ELL: variants seen among roughly 807,000 people sequenced by gnomAD.
ELL encodes elongation factor for RNA polymerase II.
A neutral mutation model predicts 64.0 loss-of-function variants in ELL; 18 were observed. The observed-to-expected ratio is 0.28, with a 90% CI of 0.19 to 0.42. The LOEUF is 0.42. ELL is among the 10% of genes least tolerant of loss of function. The pLI, the probability that ELL is intolerant of heterozygous loss-of-function variation, is 1.00. For synonymous variants in ELL, 399 were observed against 376.2 expected (o/e 1.06, Z -0.70); for missense variants, 797 against 870.4 (o/e 0.92, Z 1.06).
chr19:18,477,334 G>C lies in ELL; in HGVS notation c.136-4452C>G, dbSNP rs541385333. On this transcript the variant is annotated intron_variant, in intron 1 of 11. Coordinates refer to ENST00000262809, the MANE Select transcript of ELL (RefSeq NM_006532.4). ...CCACAGTAAGAAGCCTACAGGAAAC[G>C]AACACCACCTCGGTGACCTGCGGAC... Among the ~76,000 whole-genome samples the C allele has an allele frequency of 7.4e-4, 112 of 152,252 alleles. 1 individual carries two copies. The South Asian group carries it at 0.022, about 30-fold the overall frequency.
In ELL at chr19:18,450,685, T is replaced by C; in HGVS notation, c.1257A>G (p.Pro419=). Reference sequence around the variant, plus strand: ...GCAGGCCGAGGCGCACAGTGGGGGCTGGGGCAGCCGCCTCTCCGTGCTCAC... The same window carrying C: ...GCAGGCCGAGGCGCACAGTGGGGGCCGGGGCAGCCGCCTCTCCGTGCTCAC... ...RDCEHGEAAA[P]APTVRLGLPL... is the part of the protein sequence containing the mutation. The change falls in exon 8 of 12, where the codon CCA becomes CCG. Residue 419 remains proline (P), a synonymous_variant. Transcript: ENST00000262809. The C allele has an allele frequency of 6.3e-7, 1 of 1,583,390 alleles. No individual in the cohort carries two copies. The highest frequency in any genetic ancestry group is 2.3e-5 in the East Asian group (1 of 43,410).
At chr19:18,485,452 C>T (rs965479322) in intron 1 of ELL, among the ~76,000 whole-genome samples, 24 of 152,182 alleles carry the variant, frequency 1.6e-4, no homozygotes, top group Admixed American at 1.2e-3. Context: ...CCAGTGCACC[C>T]AAGCTTTCCA....
At chr19:18,495,996 C>T (rs780106460) in intron 1 of ELL, among the ~76,000 whole-genome samples, 18 of 152,146 alleles carry the variant, frequency 1.2e-4, no homozygotes, top group Non-Finnish European at 5.9e-5. Context: ...ACACAGTGGG[C>T]GTTTGGAGGT....
chr19:18,471,294 G>T, intron 2 of ELL: 1 of 393,708 alleles, frequency 2.5e-6, no homozygotes. Flanking sequence ...AGGATCCCTT[G>T]AGCCCAAGAG....
chr19:18,508,839 G>C (rs1975939730), intron 1 of ELL, among the ~76,000 whole-genome samples: 1 of 152,226 alleles, frequency 6.6e-6, no homozygotes, highest in African/African-American at 2.4e-5. Context: ...TGGCAGGCCA[G>C]ACCCAGCCCT....
intron 1 of ELL, among the ~76,000 whole-genome samples, chr19:18,518,520 C>T (rs1298876579): frequency 2.1e-5 from 3 of 140,024 alleles, no homozygotes; most frequent in African/African-American, 8.1e-5. Context: ...CCCAGCGTGG[C>T]GACTCAAGCT....
chr19:18,480,430 T>C (rs771558197), intron 1 of ELL, among the ~76,000 whole-genome samples: 2 of 152,142 alleles, frequency 1.3e-5, no homozygotes, highest in Non-Finnish European at 2.9e-5. Flanking sequence ...GACAGACACA[T>C]TGTGGACCTC....
intron 1 of ELL, among the ~76,000 whole-genome samples, chr19:18,516,382 C>A (rs1182201131): frequency 6.6e-6 from 1 of 152,202 alleles, no homozygotes; most frequent in Non-Finnish European, 1.5e-5. Flanking sequence ...TCCGTGTCAC[C>A]TGCTGGAAGC....
chr19:18,458,185 G>T lies in ELL; in HGVS notation c.869+20C>A. ...CTTCATGCGGGTGGGGACATGCTGG[G>T]GGATGGGAGGCGGCATTACCGGACG... On this transcript the variant is annotated intron_variant, in intron 6 of 11. Transcript: ENST00000262809. 6.2e-7 allele frequency: 1 copy of T among 1,605,928 alleles called. No homozygotes were observed.
At chr19:18,472,774 C>G in intron 2 of ELL, 61 bp downstream of exon 2, 1 of 1,560,694 alleles carries the variant, frequency 6.4e-7, no homozygotes, top group Non-Finnish European at 8.7e-7. Flanking sequence ...CGAGCAAGGA[C>G]AGACCTGAGA....
At chr19:18,469,595 G>A (rs1164896236) in intron 2 of ELL, among the ~76,000 whole-genome samples, 4 of 152,212 alleles carry the variant, frequency 2.6e-5, no homozygotes, top group African/African-American at 9.6e-5. Flanking sequence ...GGGTATGTCT[G>A]AGGTCAGTCC....
intron 1 of ELL, among the ~76,000 whole-genome samples, chr19:18,491,094 T>A (rs1445228237): frequency 6.6e-6 from 1 of 152,134 alleles, no homozygotes; most frequent in African/African-American, 2.4e-5. Flanking sequence ...GTTTTGTTTT[T>A]TCCTTTGAGA....
At chr19:18,502,723 CAGG>C (rs1157548403) in intron 1 of ELL, among the ~76,000 whole-genome samples, 5 of 152,164 alleles carry the variant, frequency 3.3e-5, no homozygotes, top group Non-Finnish European at 7.3e-5. Flanking sequence ...TTGCAGATGC[CAGG>C]AGGAGGAGTG....
At chr19:18,500,353 T>C (rs1975755803) in intron 1 of ELL, among the ~76,000 whole-genome samples, 1 of 152,044 alleles carries the variant, frequency 6.6e-6, no homozygotes, top group Non-Finnish European at 1.5e-5. Context: ...AGGCTTCCTG[T>C]GCATATCGTG....
At position 18,471,350 on chromosome 19, in the gene ELL, C is replaced by T. The variant is rs778195439; in HGVS notation, c.183+1485G>A. ...TGGTTGTGCCACTGCACTCCAGCCT[C>T]GGCAACAGAGAGACTCATCTCTTAA... On this transcript the variant is annotated intron_variant, in intron 2 of 11. Transcript: ENST00000262809. The T allele has an allele frequency of 2.0e-4, 87 of 445,218 alleles. 1 individual carries two copies. The highest frequency in any genetic ancestry group is 4.9e-4 in the Admixed American group (20 of 41,078). 27.6% of individuals were successfully genotyped at this position (445,218 alleles called of 1,614,324 possible).
At chr19:18,502,642 G>A (rs1343751970) in intron 1 of ELL, among the ~76,000 whole-genome samples, 1 of 152,178 alleles carries the variant, frequency 6.6e-6, no homozygotes, top group African/African-American at 2.4e-5. Context: ...AAGCCGAGGA[G>A]GAAGAGACGG....
At chr19:18,452,475 G>A (rs569817707) in intron 6 of ELL, among the ~76,000 whole-genome samples, 1 of 152,344 alleles carries the variant, frequency 6.6e-6, no homozygotes, top group South Asian at 2.1e-4. Context: ...CTGAGAACAG[G>A]CATTTGCATC....
chr19:18,487,470 C>T (rs1311995749), intron 1 of ELL, among the ~76,000 whole-genome samples: 1 of 152,242 alleles, frequency 6.6e-6, no homozygotes, highest in East Asian at 1.9e-4. Context: ...AATGTGCTGT[C>T]TCAGGAAAAT....
At chr19:18,445,543 G>C (rs1291313986) in intron 10 of ELL, 1 of 360,808 alleles carries the variant, frequency 2.8e-6, no homozygotes, top group Admixed American at 3.8e-5. Context: ...GTCGTGGGGG[G>C]GTGGGGAGGG....
Sources: allele counts gnomAD v4.1 joint callset (sites outside exome capture counted in the v4.1 genomes callset), GRCh38; gene constraint gnomAD v4.1.1; transcripts MANE v1.5; gene names NCBI Gene and HGNC (gene_info 2026-07-23, HGNC 2026-07-21).